Variants in CACNA2D2 observed in about 807,000 individuals in gnomAD.
The protein encoded by CACNA2D2 is calcium voltage-gated channel auxiliary subunit alpha2delta 2, also known as voltage-dependent calcium channel subunit alpha-2/delta-2.
A neutral mutation model predicts 166.4 loss-of-function variants in CACNA2D2; 48 were observed. The ratio of observed to expected loss-of-function variants is 0.29; its 90% CI spans 0.23 to 0.37. The LOEUF is 0.37. CACNA2D2 is among the 10% of genes least tolerant of loss of function. CACNA2D2 has a pLI of 1.00. For synonymous variants in CACNA2D2, 561 were observed against 573.7 expected (o/e 0.98, Z 0.32); for missense variants, 1,122 against 1,433.0 (o/e 0.78, Z 3.50).
intron 3 of CACNA2D2, among the ~76,000 whole-genome samples, chr3:50,418,199 T>C (rs1022476245): frequency 1.3e-5 from 2 of 152,142 alleles, no homozygotes; most frequent in Non-Finnish European, 2.9e-5. Context: ...GGGCACTGCC[T>C]GGGGCTGGAC....
In CACNA2D2 at chr3:50,367,786, G is replaced by T. The variant is rs752007635; in HGVS notation, c.2234+26C>A. ...GCCTCTGGGCCCATCCTAGCCTTCT[G>T]CCCCCACAGGCTGGGTGATGCCTAC... On this transcript the variant is annotated intron_variant, in intron 25 of 37. Coordinates refer to ENST00000424201, the MANE Select transcript of CACNA2D2 (RefSeq NM_006030.4). The surrounding 1 kb of genome is among the most constrained non-coding windows in gnomAD (Gnocchi z 6.5). 12 of 1,612,284 alleles carry T rather than the reference G, an allele frequency of 7.4e-6. No individual in the cohort carries two copies. In the Admixed American group the frequency reaches 1.3e-4, roughly 18 times the overall value.
At chr3:50,426,964 C>A (rs1290396342) in intron 3 of CACNA2D2, among the ~76,000 whole-genome samples, 4 of 152,220 alleles carry the variant, frequency 2.6e-5, no homozygotes, top group Non-Finnish European at 5.9e-5. Flanking sequence ...CAGCTCCCAG[C>A]TGGAGGCCTT....
Position 50,434,295 on chromosome 3 carries a change from C to T in CACNA2D2, c.405+18G>A. ...CCTCCCTCAGTGCCGCCCCCCTGCC[C>T]CCAAAACACACACCTACCTTCAGGG... On this transcript the variant is annotated intron_variant, in intron 3 of 37. Transcript: ENST00000424201. The T allele has an allele frequency of 6.3e-7, 1 of 1,586,248 alleles. No homozygotes were observed. Among genetic ancestry groups the T allele is most frequent in the South Asian group, 1.1e-5 (1 of 90,482 alleles).
intron 3 of CACNA2D2, among the ~76,000 whole-genome samples, chr3:50,399,986 G>A (rs970118941): frequency 6.6e-6 from 1 of 152,142 alleles, no homozygotes; most frequent in South Asian, 2.1e-4. Flanking sequence ...AGCAGCCCCT[G>A]CCTAGCCCAG....
intron 1 of CACNA2D2, among the ~76,000 whole-genome samples, chr3:50,476,929 C>CTTTTTTT (rs61469495): frequency 1.5e-5 from 2 of 135,238 alleles, no homozygotes; most frequent in East Asian, 2.2e-4. Context: ...GTTTCTTTTT[C>CTTTTTTT]TTTTTTTTTT....
At chr3:50,496,828 T>C (rs1284750337) in intron 1 of CACNA2D2, among the ~76,000 whole-genome samples, 2 of 152,186 alleles carry the variant, frequency 1.3e-5, no homozygotes, top group Non-Finnish European at 2.9e-5. Context: ...AGAGGGGGCT[T>C]GTTCAGAAAG....
rs1249221564 is a variant in CACNA2D2 at position 50,366,914 on chromosome 3, C to A, written c.2506G>T (p.Gly836Cys). Residue 836 changes from glycine to cysteine, a missense_variant, in exon 29 of 38, where the codon GGC becomes TGC. Physicochemically the swap from Gly to Cys is radical, Grantham distance 159. Transcript: ENST00000424201. This position sits in a 1 kb window ranked among gnomAD's most constrained non-coding sequence, Gnocchi z 5.9. ...GRRTLRPAVV[G>C]VKLDLEAWAE... ...CAAGCCTCTAGGTCCAGCTTGACGCCCACCACTTTGGGGGAGAGCAAGGGA... is the reference window on the plus strand; with the variant it reads ...CAAGCCTCTAGGTCCAGCTTGACGCACACCACTTTGGGGGAGAGCAAGGGA... The A allele has an allele frequency of 6.2e-7, 1 of 1,613,756 alleles. No individual in the cohort carries two copies.
In CACNA2D2 at chr3:50,380,831, G is replaced by A. The variant is rs1212832982; in HGVS notation, c.785-26C>T. ...CTGAGGGAGGAGAGAAGGTGAGGGG[G>A]ACTGGCAGGAAAGGGCTGGCCTGGG... is the stretch of plus-strand genomic sequence containing the variant. On this transcript the variant is annotated intron_variant, in intron 7 of 37. Transcript: ENST00000424201. This position sits in a 1 kb window ranked among gnomAD's most constrained non-coding sequence, Gnocchi z 4.9. 1 of 1,542,184 alleles carries A rather than the reference G, an allele frequency of 6.5e-7. No homozygotes were observed. The highest frequency in any genetic ancestry group is 1.2e-5 in the South Asian group (1 of 80,012).
Position 50,364,824 on chromosome 3 carries a change from G to A in CACNA2D2, c.3292-18C>T, listed in dbSNP as rs752461283. On this transcript the variant is annotated intron_variant, in intron 37 of 37. Transcript: ENST00000424201. The stretch of plus-strand genomic sequence containing the variant: ...GTATCTTCCTGCGGGGAGAGACAAG[G>A]AGCTGGTCGGCCTGGGCGGGCGCAA... 1.2e-6 allele frequency: 2 copies of A among 1,612,908 alleles called. No individual in the cohort carries two copies. The highest frequency in any genetic ancestry group is 1.1e-5 in the South Asian group (1 of 91,048).
At chr3:50,370,409 G>A (rs774320337) in intron 22 of CACNA2D2, 29 bp from the exon 23 acceptor site, 8 of 1,456,566 alleles carry the variant, frequency 5.5e-6, no homozygotes, top group Non-Finnish European at 7.5e-6. Flanking sequence ...GTTATCCGGC[G>A]GGGGCTGGGG....
At chr3:50,469,536 G>A (rs991878933) in intron 2 of CACNA2D2, among the ~76,000 whole-genome samples, 2 of 152,148 alleles carry the variant, frequency 1.3e-5, no homozygotes, top group African/African-American at 2.4e-5. Flanking sequence ...GTGGTTGTGG[G>A]GGTGGAGATG....
At chr3:50,438,285 T>A (rs1004099591) in intron 2 of CACNA2D2, among the ~76,000 whole-genome samples, 10 of 152,130 alleles carry the variant, frequency 6.6e-5, no homozygotes, top group Non-Finnish European at 1.2e-4. Context: ...AGGGCACTCC[T>A]ATCCCACCAG....
chr3:50,478,909 A>G (rs1697918172), intron 1 of CACNA2D2, among the ~76,000 whole-genome samples: 2 of 152,214 alleles, frequency 1.3e-5, no homozygotes, highest in East Asian at 3.8e-4. Flanking sequence ...TCAGCAGCAC[A>G]TTACTGATTC....
chr3:50,415,370 A>G (rs983440239), intron 3 of CACNA2D2, among the ~76,000 whole-genome samples: 1 of 152,196 alleles, frequency 6.6e-6, no homozygotes, highest in Non-Finnish European at 1.5e-5. Context: ...TATACTCTGG[A>G]AACAGGAGTC....
chr3:50,370,424 T>C, intron 22 of CACNA2D2, 44 bp from the exon 23 acceptor site: 1 of 269,574 alleles, frequency 3.7e-6, no homozygotes, highest in Non-Finnish European at 6.1e-6. Flanking sequence ...CTGGGGAGGC[T>C]GGAGGCCGGG....
At chr3:50,444,664 A>G (rs1490801573) in intron 2 of CACNA2D2, among the ~76,000 whole-genome samples, 5 of 152,356 alleles carry the variant, frequency 3.3e-5, no homozygotes, top group African/African-American at 1.2e-4. Context: ...TCACCACATA[A>G]AGACAGCACC....
At chr3:50,410,879 G>C (rs974986701) in intron 3 of CACNA2D2, among the ~76,000 whole-genome samples, 1 of 152,226 alleles carries the variant, frequency 6.6e-6, no homozygotes, top group East Asian at 1.9e-4. Flanking sequence ...AGAGAAGGAG[G>C]ATGTGTGTGT....
chr3:50,379,403 C>T lies in CACNA2D2; in HGVS notation c.1152+29G>A. The T allele has an allele frequency of 1.2e-6, 2 of 1,608,946 alleles. No individual in the cohort carries two copies. Among genetic ancestry groups the T allele is most frequent in the Non-Finnish European group, 1.7e-6 (2 of 1,176,794 alleles). ...AAGCCAGGGCCCTCTACTCCCCCAG[C>T]CGCCCACTTGCCCACCCATGGGGCT... is the stretch of plus-strand genomic sequence containing the variant. On this transcript the variant is annotated intron_variant, in intron 11 of 37. Coordinates refer to ENST00000424201, the MANE Select transcript of CACNA2D2 (RefSeq NM_006030.4). The surrounding 1 kb of genome is among the most constrained non-coding windows in gnomAD (Gnocchi z 6.5).
intron 2 of CACNA2D2, 117 bp from the exon 3 acceptor site, chr3:50,434,546 C>T (rs1338113388): frequency 1.3e-6 from 1 of 763,202 alleles, no homozygotes; most frequent in Non-Finnish European, 2.3e-6. Context: ...CACCCAGACC[C>T]TGTCTTTGGC....
Sources: gnomAD v4.1 joint callset for allele counts (sites outside exome capture counted in the v4.1 genomes callset) on GRCh38, gnomAD v4.1.1 for gene constraint, Gnocchi (gnomAD v3.1) non-coding constraint, MANE v1.5 for transcripts, NCBI Gene and HGNC (gene_info 2026-07-23, HGNC 2026-07-21) for gene names.